The following RMDN2 variants were observed in gnomAD, a reference collection of about 807,000 sequenced individuals.
The protein encoded by RMDN2 is regulator of microtubule dynamics 2.
RMDN2 carries 61 observed loss-of-function variants against 52.8 expected under a neutral mutation model. The ratio of observed to expected loss-of-function variants is 1.16; its 90% CI spans 0.94 to 1.43. The LOEUF (loss-of-function observed/expected upper bound fraction) is 1.43, where lower values mean the gene tolerates loss of function less well. Ranked by LOEUF, RMDN2 falls within the 40% of genes most tolerant of loss-of-function variation. The probability of loss-of-function intolerance (pLI) is 0.00; values close to 1 mark genes in which losing one functional copy is unlikely to be tolerated. For synonymous variants in RMDN2, 180 were observed against 153.1 expected (o/e 1.18, Z -1.30); for missense variants, 592 against 475.3 (o/e 1.25, Z -2.28).
chr2:37,931,253 T>G (rs2124892656), intron 2 of RMDN2, among the ~76,000 whole-genome samples: 1 of 152,324 alleles, frequency 6.6e-6, no homozygotes, highest in East Asian at 1.9e-4. Flanking sequence ...AAAATTTGTG[T>G]GACTCAGAAA....
At chr2:37,988,701 C>T (rs1021522640) in intron 5 of RMDN2, among the ~76,000 whole-genome samples, 5 of 152,068 alleles carry the variant, frequency 3.3e-5, no homozygotes, top group African/African-American at 1.2e-4. Context: ...AACACCTACT[C>T]GAAATATTTA....
chr2:37,950,561 C>G (rs1226698976), intron 2 of RMDN2: 2 of 1,612,886 alleles, frequency 1.2e-6, no homozygotes, highest in Non-Finnish European at 1.7e-6. Flanking sequence ...GAGAGACTTA[C>G]TTTGGATTAA....
At chr2:38,039,943 C>T (rs922369523) in intron 10 of RMDN2, among the ~76,000 whole-genome samples, 3 of 152,030 alleles carry the variant, frequency 2.0e-5, no homozygotes, top group Admixed American at 6.6e-5. Flanking sequence ...TTGGTTTTCT[C>T]CTGTTTTCTT....
chr2:37,996,070 C>G (rs972493590), intron 7 of RMDN2, among the ~76,000 whole-genome samples: 1 of 152,174 alleles, frequency 6.6e-6, no homozygotes, highest in African/African-American at 2.4e-5. Flanking sequence ...CACAAATGTG[C>G]TCCACTGTTG....
intron 7 of RMDN2, among the ~76,000 whole-genome samples, chr2:37,991,682 G>A (rs1250411951): frequency 6.6e-6 from 1 of 152,106 alleles, no homozygotes; most frequent in East Asian, 1.9e-4. Context: ...CACACCCTGT[G>A]TCTAGGTACA....
At chr2:37,953,831 T>G (rs1669135778) in intron 2 of RMDN2, among the ~76,000 whole-genome samples, 1 of 152,076 alleles carries the variant, frequency 6.6e-6, no homozygotes, top group African/African-American at 2.4e-5. Flanking sequence ...GGATTCCAGT[T>G]TCTCCACTAC....
rs188345562 is a variant in RMDN2, at chr2:38,066,388, C to T, written c.1714-594C>T. The stretch of plus-strand genomic sequence containing the variant: ...CTATGTAAACTAGATTATTTTCCTC[C>T]ATAATTCCAAGTTAAAAAAATTGCT... On this transcript the variant is annotated intron_variant, in intron 10 of 10. Transcript: ENST00000234195. 3.2e-3 allele frequency among the ~76,000 whole-genome samples: 493 copies of T among 152,304 alleles called. 2 individuals carry two copies. Among genetic ancestry groups the T allele is most frequent in the Non-Finnish European group, 5.2e-3 (351 of 68,010 alleles).
At chr2:37,962,532 G>A (rs1273344659) in intron 2 of RMDN2, among the ~76,000 whole-genome samples, 2 of 152,082 alleles carry the variant, frequency 1.3e-5, no homozygotes, top group African/African-American at 4.8e-5. Flanking sequence ...AATGGTGGAC[G>A]CCCCTCCCCC....
intron 2 of RMDN2, among the ~76,000 whole-genome samples, chr2:37,971,497 A>G (rs1439284668): frequency 6.6e-6 from 1 of 152,178 alleles, no homozygotes; most frequent in Non-Finnish European, 1.5e-5. Flanking sequence ...TTTGTACTAG[A>G]TTTTTAAAAT....
chr2:37,978,257 C>T (rs1271100447), intron 4 of RMDN2, among the ~76,000 whole-genome samples: 6 of 138,632 alleles, frequency 4.3e-5, no homozygotes, highest in African/African-American at 5.5e-5. Flanking sequence ...TGCAGTGAGT[C>T]GAGATGGCGG....
chr2:37,952,101 C>A (rs374259749), intron 2 of RMDN2: 2 of 1,613,170 alleles, frequency 1.2e-6, no homozygotes, highest in South Asian at 2.2e-5. Context: ...CTTTATCCCA[C>A]CTCAAAGCGA....
chr2:38,017,418 T>G lies in RMDN2; in HGVS notation c.*179T>G. ...AGCACTACAAAATTAATTATGTTAT[T>G]TGGAGAATCTATATACTATAATGTC... On this transcript the variant is annotated 3_prime_UTR_variant, in exon 11 of 11. Transcript: ENST00000354545. The G allele has an allele frequency of 7.7e-7, 1 of 1,297,776 alleles. No homozygotes were observed. Among genetic ancestry groups the G allele is most frequent in the Non-Finnish European group, 1.0e-6 (1 of 993,124 alleles). 80.4% of individuals were successfully genotyped at this position (1,297,776 alleles called of 1,614,324 possible).
intron 2 of RMDN2, among the ~76,000 whole-genome samples, chr2:37,942,627 C>T (rs535471919): frequency 4.6e-5 from 7 of 152,188 alleles, no homozygotes; most frequent in East Asian, 1.9e-4. Flanking sequence ...AAGATGAAAT[C>T]GTAACTAATT....
intron 10 of RMDN2, among the ~76,000 whole-genome samples, chr2:38,014,133 A>G (rs1678402221): frequency 6.6e-6 from 1 of 152,056 alleles, no homozygotes; most frequent in South Asian, 2.1e-4. Context: ...AATCTCTTGA[A>G]CCTGGGAGGC....
At chr2:38,034,501 C>T (rs528410226) in intron 10 of RMDN2, among the ~76,000 whole-genome samples, 44 of 152,126 alleles carry the variant, frequency 2.9e-4, no homozygotes, top group Non-Finnish European at 5.3e-4. Context: ...CTTCAACCAA[C>T]TGATAAGATA....
chr2:37,980,454 C>A (rs1199452997), intron 4 of RMDN2, among the ~76,000 whole-genome samples: 1 of 152,092 alleles, frequency 6.6e-6, no homozygotes, highest in African/African-American at 2.4e-5. Context: ...CAGGCATGCA[C>A]CACCACGCCC....
intron 2 of RMDN2, among the ~76,000 whole-genome samples, chr2:37,972,816 G>GA (rs925283807): frequency 6.6e-6 from 1 of 151,874 alleles, no homozygotes; most frequent in African/African-American, 2.4e-5. Context: ...TTAAGAGAAA[G>GA]AAAAAAGCAT....
At chr2:38,008,629 C>G (rs1313904524) in intron 10 of RMDN2, among the ~76,000 whole-genome samples, 1 of 152,166 alleles carries the variant, frequency 6.6e-6, no homozygotes, top group Non-Finnish European at 1.5e-5. Flanking sequence ...TTCCTGAATA[C>G]AGCACACTGT....
intron 2 of RMDN2, among the ~76,000 whole-genome samples, chr2:37,937,376 C>G (rs1422651044): frequency 6.6e-6 from 1 of 152,154 alleles, no homozygotes; most frequent in African/African-American, 2.4e-5. Context: ...CTTGGCTATA[C>G]AGGTTCCTTT....
Sources: gnomAD v4.1 joint callset for allele counts (sites outside exome capture counted in the v4.1 genomes callset) on GRCh38, gnomAD v4.1.1 for gene constraint, MANE v1.5 for transcripts, NCBI Gene and HGNC (gene_info 2026-07-23, HGNC 2026-07-21) for gene names.